The following CHST9 variants were observed in gnomAD, a reference collection of about 807,000 sequenced individuals.
CHST9 encodes the protein carbohydrate sulfotransferase 9, also known as GalNAc-4-sulfotransferase 2.
In CHST9, 41 loss-of-function variants were observed where a neutral mutation model predicts 44.4. That is an observed-to-expected ratio of 0.92 (90% CI 0.72 to 1.20). CHST9 has a LOEUF of 1.20. Ranked by LOEUF, CHST9 falls within the 50% of genes most tolerant of loss-of-function variation. The probability of loss-of-function intolerance (pLI) is 0.00; values close to 1 mark genes in which losing one functional copy is unlikely to be tolerated. For missense variants in CHST9, 504 were observed against 516.5 expected, an observed-to-expected ratio of 0.98 and a Z score of 0.23; for synonymous variants, 171 against 178.4, an observed-to-expected ratio of 0.96 and a Z score of 0.33.
rs543395506 is a variant in CHST9 at position 27,059,502 on chromosome 18, C to T, written c.122-10999G>A. 1.1e-4 allele frequency among the ~76,000 whole-genome samples: 16 copies of T among 152,220 alleles called. No homozygotes were observed. The East Asian group carries it at 2.7e-3, about 26-fold the overall frequency. The stretch of plus-strand genomic sequence containing the variant: ...TTAATTTTCTGTATGAAGGCAACAA[C>T]GGGAAGCATTTCATTAGGAAAGGTA... On this transcript the variant is annotated intron_variant, in intron 2 of 5. Coordinates refer to ENST00000618847, the MANE Select transcript of CHST9 (RefSeq NM_031422.6).
At chr18:27,098,849 T>A (rs1185949277) in intron 2 of CHST9, among the ~76,000 whole-genome samples, 1 of 150,242 alleles carries the variant, frequency 6.7e-6, no homozygotes, top group African/African-American at 2.4e-5. Context: ...AACAAACCTA[T>A]CCTAAAACTC....
At chr18:26,992,538 T>C (rs1437334875) in intron 4 of CHST9, among the ~76,000 whole-genome samples, 1 of 152,236 alleles carries the variant, frequency 6.6e-6, no homozygotes, top group Admixed American at 6.5e-5. Flanking sequence ...AAAGGTATAC[T>C]TCAATCACTA....
intron 2 of CHST9, among the ~76,000 whole-genome samples, chr18:27,063,090 A>G (rs149515786): frequency 7.9e-4 from 120 of 152,324 alleles, no homozygotes; most frequent in African/African-American, 2.8e-3. Context: ...GCACACATGC[A>G]TTGTCTCACT....
At chr18:27,154,571 C>T (rs1464535419) in intron 1 of CHST9, among the ~76,000 whole-genome samples, 1 of 152,024 alleles carries the variant, frequency 6.6e-6, no homozygotes, top group Non-Finnish European at 1.5e-5. Context: ...GCATTCAAGT[C>T]AACAGATTAG....
intron 1 of CHST9, among the ~76,000 whole-genome samples, chr18:27,161,209 T>C (rs1015566606): frequency 1.3e-5 from 2 of 152,222 alleles, no homozygotes; most frequent in Non-Finnish European, 2.9e-5. Flanking sequence ...TGTTAGGGTG[T>C]CAATTTTAGA....
intron 1 of CHST9, among the ~76,000 whole-genome samples, chr18:27,153,746 G>A (rs2058677660): frequency 6.6e-6 from 1 of 152,116 alleles, no homozygotes; most frequent in African/African-American, 2.4e-5. Flanking sequence ...GTGTTAGAAT[G>A]TGGACATATC....
chr18:27,004,417 A>G (rs2056989100), intron 4 of CHST9, among the ~76,000 whole-genome samples: 1 of 151,996 alleles, frequency 6.6e-6, no homozygotes, highest in Non-Finnish European at 1.5e-5. Context: ...GCAGAGGCAG[A>G]GAAAAGATAA....
At chr18:27,172,020 A>C (rs2143960025) in intron 1 of CHST9, among the ~76,000 whole-genome samples, 1 of 152,274 alleles carries the variant, frequency 6.6e-6, no homozygotes, top group Admixed American at 6.5e-5. Flanking sequence ...GTTTGCAGGG[A>C]ATTCAAATAT....
At chr18:27,134,914 A>G (rs2058501227) in intron 2 of CHST9, among the ~76,000 whole-genome samples, 1 of 152,182 alleles carries the variant, frequency 6.6e-6, no homozygotes, top group Non-Finnish European at 1.5e-5. Context: ...GGAGATAGTC[A>G]GAAAACAAAA....
At chr18:26,962,143 G>T (rs191423) in intron 4 of CHST9, among the ~76,000 whole-genome samples, 2 of 152,126 alleles carry the variant, frequency 1.3e-5, no homozygotes, top group Non-Finnish European at 2.9e-5. Flanking sequence ...ACAGCTTACA[G>T]AATTTTCCCT....
intron 4 of CHST9, among the ~76,000 whole-genome samples, chr18:26,953,844 T>C (rs1315082999): frequency 2.6e-5 from 4 of 152,184 alleles, no homozygotes; most frequent in African/African-American, 4.8e-5. Context: ...TTCCATGACA[T>C]TGTCTCTTTC....
chr18:27,093,560 G>GGA (rs1480019283), intron 2 of CHST9, among the ~76,000 whole-genome samples: 12 of 152,238 alleles, frequency 7.9e-5, no homozygotes, highest in African/African-American at 2.9e-4. Context: ...GCCAGGCATG[G>GGA]GAGAGAATCA....
At chr18:27,084,165 G>A (rs563558072) in intron 2 of CHST9, among the ~76,000 whole-genome samples, 97 of 151,110 alleles carry the variant, frequency 6.4e-4, no homozygotes, top group African/African-American at 2.3e-3. Flanking sequence ...ATCATATAAA[G>A]AGTTAGAGAG....
chr18:27,121,602 C>G (rs1344444967), intron 2 of CHST9, among the ~76,000 whole-genome samples: 17 of 152,144 alleles, frequency 1.1e-4, no homozygotes. Flanking sequence ...CTTTTTGAAA[C>G]TGCTATCAAT....
At chr18:27,014,453 CAAAAAAAAAAAAAAAAAAAAAAAAAAAA>C (rs57437876) in intron 4 of CHST9, among the ~76,000 whole-genome samples, 2 of 39,438 alleles carry the variant, frequency 5.1e-5, no homozygotes, top group South Asian at 2.0e-3. Flanking sequence ...GACTCTGTCT[CAAAAAAAAAAAAAAAAAAAAAAAAAAAA>C]AAAAAAAAAA....
chr18:26,921,251 C>T (rs757007067), intron 5 of CHST9, among the ~76,000 whole-genome samples: 6 of 152,074 alleles, frequency 3.9e-5, no homozygotes, highest in African/African-American at 1.4e-4. Context: ...CTTGTTTATC[C>T]ATTTCTCGTT....
chr18:26,966,169 A>G (rs2056461648), intron 4 of CHST9, among the ~76,000 whole-genome samples: 1 of 152,222 alleles, frequency 6.6e-6, no homozygotes. Context: ...GGAAAATCCA[A>G]TCTTGACAAC....
intron 4 of CHST9, among the ~76,000 whole-genome samples, chr18:27,010,440 T>C (rs1450068507): frequency 6.6e-6 from 1 of 152,208 alleles, no homozygotes; most frequent in Non-Finnish European, 1.5e-5. Context: ...GTTGTTGTCT[T>C]ACAGTCAACT....
intron 4 of CHST9, among the ~76,000 whole-genome samples, chr18:26,969,376 C>CTCTGTGTG (rs1555672857): frequency 1.4e-4 from 13 of 95,702 alleles, no homozygotes; most frequent in African/African-American, 3.5e-4. Context: ...CTCTCTCTCT[C>CTCTGTGTG]TGTGTGTGTG....
Sources: allele counts gnomAD v4.1 joint callset (sites outside exome capture counted in the v4.1 genomes callset), GRCh38; gene constraint gnomAD v4.1.1; transcripts MANE v1.5; gene names NCBI Gene and HGNC (gene_info 2026-07-23, HGNC 2026-07-21).